Variants in SLC29A4 observed in about 807,000 individuals in gnomAD.
SLC29A4 encodes solute carrier family 29 member 4.
In SLC29A4, 36 loss-of-function variants were observed where a neutral mutation model predicts 43.9. The ratio of observed to expected loss-of-function variants is 0.82; its 90% CI spans 0.63 to 1.08. The LOEUF (loss-of-function observed/expected upper bound fraction) is 1.08, where lower values mean the gene tolerates loss of function less well. Ranked by LOEUF, SLC29A4 falls within the 50% of genes least tolerant of loss-of-function variation. The pLI, the probability that SLC29A4 is intolerant of heterozygous loss-of-function variation, is 0.00. For synonymous variants in SLC29A4, 491 were observed against 338.0 expected (o/e 1.45, Z -4.97); for missense variants, 869 against 755.3 (o/e 1.15, Z -1.77).
chr7:5,299,343 G>A lies in SLC29A4; in HGVS notation c.1125G>A (p.Glu375=). ...FITLCLFPGL[E]SEIRHCILGE... The stretch of plus-strand genomic sequence containing the variant: ...CGCTGTGCCTGTTCCCCGGCCTCGA[G>A]TCTGAGATCCGCCACTGCATCCTGG... Residue 375 remains glutamate, a synonymous_variant, in exon 9 of 11, where the codon GAG becomes GAA. Coordinates refer to ENST00000396872, the MANE Select transcript of SLC29A4 (RefSeq NM_153247.4). 1 of 1,612,090 alleles carries A rather than the reference G, an allele frequency of 6.2e-7. No homozygotes were observed. Among genetic ancestry groups the A allele is most frequent in the East Asian group, 2.2e-5 (1 of 44,890 alleles).
chr7:5,294,863 A>G lies in SLC29A4; in HGVS notation c.548A>G (p.Gln183Arg), dbSNP rs775479617. ...GTTCCTCTCTCTCTCTCTTAAGTGC[A>G]GCAATCCAGCTTCTACGGGTACACG... ...VGTVAFGCTVQQSSFYGYTGM... is the reference protein window; with the variant it reads ...VGTVAFGCTVRQSSFYGYTGM... The change falls in exon 6 of 11, where the codon CAG becomes CGG. Residue 183 changes from glutamine to arginine, a missense_variant. Physicochemically the swap from Gln to Arg is conservative, Grantham distance 43 (BLOSUM62 1). Transcript: ENST00000396872. The G allele has an allele frequency of 1.2e-6, 2 of 1,612,132 alleles. No homozygotes were observed. The highest frequency in any genetic ancestry group is 1.7e-6 in the Non-Finnish European group (2 of 1,179,656).
intron 5 of SLC29A4, among the ~76,000 whole-genome samples, chr7:5,293,418 C>T (rs943118293): frequency 1.9e-4 from 29 of 152,076 alleles, no homozygotes; most frequent in Admixed American, 1.2e-3. Context: ...GATCTGCCTG[C>T]CTCAGCCTCC....
At position 5,304,714 on chromosome 7, in the gene SLC29A4, T is replaced by C. The variant is rs1786393483; in HGVS notation, c.*1775T>C. On this transcript the variant is annotated 3_prime_UTR_variant, in exon 11 of 11. Transcript: ENST00000396872. ...AGACCGGGTTTCACCATGTTGGCCATGCTGGTCTCGAACTCCTGATCTCAA... is the reference window on the plus strand; with the variant it reads ...AGACCGGGTTTCACCATGTTGGCCACGCTGGTCTCGAACTCCTGATCTCAA... The C allele has an allele frequency of 6.6e-6, 1 of 152,112 alleles. No homozygotes were observed. Among genetic ancestry groups the C allele is most frequent in the Admixed American group, 6.6e-5 (1 of 15,256 alleles). The allele number at this position is 152,112 out of a possible 1,614,324, so 9.4% of individuals were successfully genotyped here. A position where few individuals can be genotyped will look rare whatever the true frequency, so the allele number is the denominator to read the frequency against.
chr7:5,301,141 A>G (rs958457640), intron 10 of SLC29A4, among the ~76,000 whole-genome samples: 6 of 151,868 alleles, frequency 4.0e-5, no homozygotes, highest in African/African-American at 9.7e-5. Context: ...GCGTGCGCCT[A>G]TGGTCCCAGC....
At chr7:5,293,238 C>G (rs543975624) in intron 5 of SLC29A4, among the ~76,000 whole-genome samples, 1 of 142,982 alleles carries the variant, frequency 7.0e-6, no homozygotes, top group African/African-American at 2.6e-5. Flanking sequence ...GTGGCACGAT[C>G]TCAGCTCACT....
At chr7:5,284,429 G>T (rs1784839862) in intron 1 of SLC29A4, among the ~76,000 whole-genome samples, 1 of 152,178 alleles carries the variant, frequency 6.6e-6, no homozygotes, top group African/African-American at 2.4e-5. Context: ...GGAAACTGAG[G>T]CCTGAGGGGT....
At chr7:5,285,522 C>T (rs1320000041) in intron 1 of SLC29A4, among the ~76,000 whole-genome samples, 1 of 152,248 alleles carries the variant, frequency 6.6e-6, no homozygotes, top group East Asian at 1.9e-4. Context: ...CCCCAGGCCC[C>T]CTTTTAGGCC....
intron 3 of SLC29A4, 31 bp downstream of exon 3, chr7:5,290,894 T>G (rs773203894): frequency 6.3e-6 from 10 of 1,585,052 alleles, no homozygotes; most frequent in Admixed American, 1.7e-5. Flanking sequence ...GCCCAGCCAC[T>G]CAGCATCCTC....
chr7:5,302,290 C>T (rs1484505461), intron 10 of SLC29A4, among the ~76,000 whole-genome samples: 3 of 152,174 alleles, frequency 2.0e-5, no homozygotes, highest in Non-Finnish European at 4.4e-5. Flanking sequence ...GGGCCAGGCT[C>T]ACTGGCTCAG....
chr7:5,293,907 C>G (rs547646448), intron 5 of SLC29A4, among the ~76,000 whole-genome samples: 2 of 152,044 alleles, frequency 1.3e-5, no homozygotes, highest in Admixed American at 1.3e-4. Flanking sequence ...GAGTTCGAGA[C>G]CAGTCTGGCC....
rs570855620 is a variant in SLC29A4, at chr7:5,306,131, G to C, written c.*3192G>C. 6.6e-6 allele frequency: 1 copy of C among 151,288 alleles called. No homozygotes were observed. Among genetic ancestry groups the C allele is most frequent in the Non-Finnish European group, 1.5e-5 (1 of 67,900 alleles). The allele number at this position is 151,288 out of a possible 1,614,324, so 9.4% of individuals were successfully genotyped here. On this transcript the variant is annotated 3_prime_UTR_variant, in exon 11 of 11. Transcript: ENST00000396872. Reference sequence around the variant, plus strand: ...CCCAAAGTGCTGGGATTACAGGCGTGAGCCACCGTGCCCATCCAACTTAAC... The same window carrying C: ...CCCAAAGTGCTGGGATTACAGGCGTCAGCCACCGTGCCCATCCAACTTAAC...
At chr7:5,288,909 C>T (rs1261134818) in intron 2 of SLC29A4, among the ~76,000 whole-genome samples, 1 of 152,132 alleles carries the variant, frequency 6.6e-6, no homozygotes, top group Non-Finnish European at 1.5e-5. Flanking sequence ...CCACCAGGAG[C>T]CCCTGGTCAA....
chr7:5,292,148 T>C (rs1785351549), intron 5 of SLC29A4, among the ~76,000 whole-genome samples: 1 of 152,218 alleles, frequency 6.6e-6, no homozygotes. Context: ...TCTGACTTTG[T>C]CACCCAGGCT....
At chr7:5,289,040 C>T (rs1785141786) in intron 2 of SLC29A4, among the ~76,000 whole-genome samples, 1 of 152,194 alleles carries the variant, frequency 6.6e-6, no homozygotes, top group Non-Finnish European at 1.5e-5. Context: ...ACTCAGGAGG[C>T]ACCCTGTAAG....
chr7:5,294,096 G>A (rs1174364330), intron 5 of SLC29A4, among the ~76,000 whole-genome samples: 3 of 147,534 alleles, frequency 2.0e-5, no homozygotes, highest in African/African-American at 7.5e-5. Flanking sequence ...ACAGTGCGAG[G>A]CTCTATCTGG....
At position 5,284,663 on chromosome 7, in the gene SLC29A4, A is replaced by G. The variant is rs532216391; in HGVS notation, c.-9+1581A>G. Among the ~76,000 whole-genome samples, 8 of 152,102 alleles carry G rather than the reference A, an allele frequency of 5.3e-5. No individual in the cohort carries two copies. The East Asian group carries it at 1.6e-3, about 30-fold the overall frequency. ...GTAGGCTTGGATGTGGGGGGCCGGGAAGGACAGAGTTGGAGGCCTGTGGCC... is the reference window on the plus strand; with the variant it reads ...GTAGGCTTGGATGTGGGGGGCCGGGGAGGACAGAGTTGGAGGCCTGTGGCC... On this transcript the variant is annotated intron_variant, in intron 1 of 10. Coordinates refer to ENST00000396872, the MANE Select transcript of SLC29A4 (RefSeq NM_153247.4).
chr7:5,294,715 T>G, intron 5 of SLC29A4, 145 bp from the exon 6 acceptor site: 1 of 810,428 alleles, frequency 1.2e-6, no homozygotes, highest in East Asian at 2.5e-5. Context: ...GTGTTCCTAC[T>G]GCTGCGTGTC....
At chr7:5,291,292 C>A in intron 4 of SLC29A4, 55 bp downstream of exon 4, 4 of 1,511,234 alleles carry the variant, frequency 2.6e-6, no homozygotes, top group South Asian at 2.3e-5. Context: ...ACCTGCCTGG[C>A]CGGTCACCCA....
intron 1 of SLC29A4, among the ~76,000 whole-genome samples, chr7:5,284,205 A>G (rs1784828173): frequency 1.3e-5 from 2 of 152,300 alleles, no homozygotes; most frequent in African/African-American, 4.8e-5. Context: ...GCAACAGAGC[A>G]AGACCCCACC....
Sources: gnomAD v4.1 joint callset for allele counts (sites outside exome capture counted in the v4.1 genomes callset) on GRCh38, gnomAD v4.1.1 for gene constraint, MANE v1.5 for transcripts, NCBI Gene and HGNC (gene_info 2026-07-23, HGNC 2026-07-21) for gene names.